The following KLHL1 variants were observed in gnomAD, a reference collection of about 807,000 sequenced individuals.
KLHL1 encodes the protein kelch like family member 1.
KLHL1 carries 47 observed loss-of-function variants against 77.7 expected under a neutral mutation model. The observed-to-expected ratio is 0.60, with a 90% confidence interval of 0.48 to 0.77. The LOEUF (loss-of-function observed/expected upper bound fraction) is 0.77. Ranked by LOEUF, KLHL1 falls within the 30% of genes least tolerant of loss-of-function variation. The pLI is 0.00. For synonymous variants in KLHL1, 360 were observed against 325.2 expected (o/e 1.11, Z -1.15); for missense variants, 925 against 910.8 (o/e 1.02, Z -0.20).
chr13:69,905,367 C>T (rs991441290), intron 4 of KLHL1, among the ~76,000 whole-genome samples: 6 of 152,016 alleles, frequency 3.9e-5, no homozygotes, highest in African/African-American at 1.2e-4. Context: ...ATGCACTGAA[C>T]TTGGGGTGTT....
intron 6 of KLHL1, among the ~76,000 whole-genome samples, chr13:69,826,927 T>A (rs78405585): frequency 0.026 from 3,880 of 147,866 alleles, 165 homozygotes; most frequent in African/African-American, 0.095. Flanking sequence ...TTTCTGGACA[T>A]CCATTTTCTA....
At chr13:70,095,784 T>C (rs560412795) in intron 1 of KLHL1, among the ~76,000 whole-genome samples, 51 of 152,190 alleles carry the variant, frequency 3.4e-4, no homozygotes, top group African/African-American at 1.2e-3. Flanking sequence ...TTATTCCTTC[T>C]ATCTAACTGT....
intron 1 of KLHL1, among the ~76,000 whole-genome samples, chr13:70,091,148 T>A (rs1230393295): frequency 6.6e-6 from 1 of 152,106 alleles, no homozygotes; most frequent in Non-Finnish European, 1.5e-5. Context: ...CCCTTATTCA[T>A]CTCTACTTCT....
intron 1 of KLHL1, among the ~76,000 whole-genome samples, chr13:69,983,202 T>C (rs1876089674): frequency 1.3e-5 from 2 of 152,142 alleles, no homozygotes; most frequent in South Asian, 4.1e-4. Context: ...TTGAAGAGGA[T>C]ATTAATAAAT....
chr13:70,009,411 T>C (rs1162761951), intron 1 of KLHL1, among the ~76,000 whole-genome samples: 2 of 152,162 alleles, frequency 1.3e-5, no homozygotes, highest in African/African-American at 4.8e-5. Context: ...AAGAAGAGCA[T>C]GTTTAAAGGC....
intron 7 of KLHL1, among the ~76,000 whole-genome samples, chr13:69,795,168 T>C (rs1877049135): frequency 6.6e-6 from 1 of 152,174 alleles, no homozygotes. Flanking sequence ...CTGAACCTTT[T>C]ATTGGCGTGT....
chr13:70,095,407 T>A (rs976749915), intron 1 of KLHL1, among the ~76,000 whole-genome samples: 1 of 152,180 alleles, frequency 6.6e-6, no homozygotes, highest in African/African-American at 2.4e-5. Flanking sequence ...TTATTTAATG[T>A]CATTAAGAGT....
intron 4 of KLHL1, among the ~76,000 whole-genome samples, chr13:69,897,281 G>A (rs1051514026): frequency 7.9e-5 from 12 of 152,102 alleles, no homozygotes; most frequent in African/African-American, 2.7e-4. Flanking sequence ...AAAAAGCTGT[G>A]GAAGCAGTTA....
At chr13:70,100,923 A>G (rs1262187725) in intron 1 of KLHL1, among the ~76,000 whole-genome samples, 1 of 152,188 alleles carries the variant, frequency 6.6e-6, no homozygotes, top group Non-Finnish European at 1.5e-5. Flanking sequence ...GCCCGTTTTT[A>G]TGCTCAGAAA....
At chr13:70,021,253 T>C (rs539415069) in intron 1 of KLHL1, among the ~76,000 whole-genome samples, 1 of 152,238 alleles carries the variant, frequency 6.6e-6, no homozygotes, top group Non-Finnish European at 1.5e-5. Flanking sequence ...CAGAATGTCA[T>C]ATGGTTGTAT....
Position 69,940,043 on chromosome 13 carries a change from T to C in KLHL1, c.1011A>G (p.Thr337=), listed in dbSNP as rs1011956417. ...TTAAAACATTAAGTTTCCTTACCAT[T>C]GTGTAGCTGTGGGCCACCTTCATTA... ...IELMKVAHSY[T]MENIMEVIRN... Residue 337 remains threonine (T), a synonymous_variant, in exon 4 of 11, where the codon ACA becomes ACG. Transcript: ENST00000377844. 1 of 1,600,200 alleles carries C rather than the reference T, an allele frequency of 6.2e-7. No individual in the cohort carries two copies. Among genetic ancestry groups the C allele is most frequent in the Non-Finnish European group, 8.5e-7 (1 of 1,172,898 alleles).
chr13:69,968,531 G>A (rs995356024), intron 2 of KLHL1, among the ~76,000 whole-genome samples: 1 of 113,590 alleles, frequency 8.8e-6, no homozygotes, highest in Non-Finnish European at 1.9e-5. Flanking sequence ...AAGGTATTAT[G>A]GGTTGAAATT....
intron 4 of KLHL1, among the ~76,000 whole-genome samples, chr13:69,927,668 A>C (rs138824450): frequency 7.2e-5 from 11 of 152,234 alleles, no homozygotes; most frequent in Non-Finnish European, 1.3e-4. Context: ...CAGTTTCATT[A>C]GACATAGGAA....
At chr13:70,061,468 T>G (rs1886883725) in intron 1 of KLHL1, among the ~76,000 whole-genome samples, 1 of 152,108 alleles carries the variant, frequency 6.6e-6, no homozygotes, top group Non-Finnish European at 1.5e-5. Flanking sequence ...GCAATTCCCT[T>G]AAGTTAGTAA....
chr13:69,758,098 C>T lies in KLHL1; in HGVS notation c.1640-17542G>A, dbSNP rs901222363. 4.0e-5 allele frequency among the ~76,000 whole-genome samples: 6 copies of T among 151,324 alleles called. No individual in the cohort carries two copies. The South Asian group carries it at 6.2e-4, about 16-fold the overall frequency. On this transcript the variant is annotated intron_variant, in intron 7 of 10. Coordinates refer to ENST00000377844, the MANE Select transcript of KLHL1 (RefSeq NM_020866.3). ...ATATTTAGTTTTTCAAACCATCAAA[C>T]GATCAAAAAATCTGAGATAGCATGA...
intron 1 of KLHL1, among the ~76,000 whole-genome samples, chr13:70,007,678 T>C (rs1885437891): frequency 1.3e-5 from 2 of 152,164 alleles, no homozygotes; most frequent in African/African-American, 2.4e-5. Flanking sequence ...TGAACCATTA[T>C]ATAGAAAATA....
intron 7 of KLHL1, among the ~76,000 whole-genome samples, chr13:69,794,766 T>A (rs1003540504): frequency 6.6e-6 from 1 of 152,030 alleles, no homozygotes; most frequent in Non-Finnish European, 1.5e-5. Flanking sequence ...ACAAATTTAA[T>A]TGACATTAAG....
intron 1 of KLHL1, among the ~76,000 whole-genome samples, chr13:70,056,252 T>C (rs1015764386): frequency 1.3e-5 from 2 of 152,070 alleles, no homozygotes; most frequent in Non-Finnish European, 2.9e-5. Context: ...AGAAGTTCAT[T>C]ATAAATGATG....
intron 7 of KLHL1, among the ~76,000 whole-genome samples, chr13:69,755,860 G>A (rs568276924): frequency 2.8e-4 from 43 of 152,230 alleles, no homozygotes; most frequent in African/African-American, 8.9e-4. Flanking sequence ...AAAATCATAC[G>A]TTTTGAAAGC....
Sources: gnomAD v4.1 joint callset for allele counts (sites outside exome capture counted in the v4.1 genomes callset) on GRCh38, gnomAD v4.1.1 for gene constraint, MANE v1.5 for transcripts, NCBI Gene and HGNC (gene_info 2026-07-23, HGNC 2026-07-21) for gene names.